TACC1: variants seen among roughly 807,000 people sequenced by gnomAD.
The protein encoded by TACC1 is transforming acidic coiled-coil-containing protein 1.
In TACC1, 48 loss-of-function variants were observed where a neutral mutation model predicts 84.4. The ratio of observed to expected loss-of-function variants is 0.57; its 90% CI spans 0.45 to 0.72. The LOEUF is 0.72. Ranked by LOEUF, TACC1 falls within the 30% of genes least tolerant of loss-of-function variation. TACC1 has a pLI of 0.00. For missense variants in TACC1, 920 were observed against 973.0 expected, an observed-to-expected ratio of 0.95 and a Z score of 0.72; for synonymous variants, 372 against 376.3, an observed-to-expected ratio of 0.99 and a Z score of 0.13.
rs1563965789 is a variant in TACC1 at position 38,842,387 on chromosome 8, C to T, written c.2061C>T (p.Ser687=). The T allele has an allele frequency of 1.9e-6, 3 of 1,614,152 alleles. No individual in the cohort carries two copies. The highest frequency in any genetic ancestry group is 2.2e-5 in the East Asian group (1 of 44,880). The change falls in exon 10 of 13, where the codon TCC becomes TCT. Residue 687 remains serine, a synonymous_variant. Coordinates refer to ENST00000317827, the MANE Select transcript of TACC1 (RefSeq NM_006283.3). ...ALADLNSVER[S]LSDLFRRYEN... ...CTGACCTTAACTCTGTGGAAAGGTC[C>T]CTTTCTGATCTCTTCAGGAGATATG...
At chr8:38,823,037 G>C (rs1451107581) in intron 3 of TACC1, among the ~76,000 whole-genome samples, 1 of 152,202 alleles carries the variant, frequency 6.6e-6, no homozygotes, top group Non-Finnish European at 1.5e-5. Flanking sequence ...GTTTGTACTT[G>C]TCACTGTAGA....
At chr8:38,808,607 G>T (rs62506669) in intron 2 of TACC1, among the ~76,000 whole-genome samples, 29,882 of 152,168 alleles carry the variant, frequency 0.2, 3,506 homozygotes, top group Non-Finnish European at 0.27. Context: ...TAGAGATGGG[G>T]TTTCACCATG....
intron 3 of TACC1, among the ~76,000 whole-genome samples, chr8:38,750,302 A>G (rs1221105731): frequency 6.6e-6 from 1 of 152,238 alleles, no homozygotes; most frequent in Non-Finnish European, 1.5e-5. Context: ...AATTAAGAAT[A>G]AATTAAAACT....
intron 7 of TACC1, among the ~76,000 whole-genome samples, chr8:38,836,909 G>A (rs1830347282): frequency 6.6e-6 from 1 of 152,104 alleles, no homozygotes; most frequent in African/African-American, 2.4e-5. Context: ...AAAGGAAGGT[G>A]TGGCAATTTT....
intron 2 of TACC1, among the ~76,000 whole-genome samples, chr8:38,814,450 A>C (rs1313515420): frequency 4.6e-5 from 7 of 152,246 alleles, no homozygotes; most frequent in African/African-American, 1.2e-4. Context: ...ATACACAAAT[A>C]CTTAGCATTG....
intron 2 of TACC1, among the ~76,000 whole-genome samples, chr8:38,808,356 A>G (rs537244117): frequency 6.6e-6 from 1 of 152,382 alleles, no homozygotes; most frequent in African/African-American, 2.4e-5. Context: ...GGATCTGGGT[A>G]TGTAACTTCT....
chr8:38,757,208 C>CGGG, intron 3 of TACC1: 4 of 263,026 alleles, frequency 1.5e-5, no homozygotes, highest in Non-Finnish European at 3.0e-5. Flanking sequence ...TACGGCCGGG[C>CGGG]GCCCCACCCC....
At chr8:38,756,901 G>T (rs1032697696) in intron 3 of TACC1, among the ~76,000 whole-genome samples, 4 of 152,316 alleles carry the variant, frequency 2.6e-5, no homozygotes, top group East Asian at 1.9e-4. Flanking sequence ...AGCTCCCGGG[G>T]CCTCTTCCCG....
At chr8:38,840,405 T>C in intron 9 of TACC1, 138 bp downstream of exon 9, 1 of 715,872 alleles carries the variant, frequency 1.4e-6, no homozygotes, top group Non-Finnish European at 2.3e-6. Context: ...ACAGGAGAGT[T>C]CAAGGTGCCC....
At chr8:38,807,799 GAAT>G (rs1823114607) in intron 2 of TACC1, among the ~76,000 whole-genome samples, 1 of 152,182 alleles carries the variant, frequency 6.6e-6, no homozygotes. Context: ...GTACAAACTA[GAAT>G]ATTAAGCTGT....
At chr8:38,783,961 G>T (rs868840478), upstream of TACC1, among the ~76,000 whole-genome samples, 1 of 152,226 alleles carries the variant, frequency 6.6e-6, no homozygotes. Context: ...GCGGTCAGAT[G>T]CTGTTATTGG....
At chr8:38,798,771 G>GCCC (rs1328003722) in intron 2 of TACC1, among the ~76,000 whole-genome samples, 1 of 152,044 alleles carries the variant, frequency 6.6e-6, no homozygotes, top group African/African-American at 2.4e-5. Flanking sequence ...GGGATCCTGG[G>GCCC]CCCCAGCAGT....
rs1826427032 is a variant in TACC1 at position 38,820,249 on chromosome 8, A to G, written c.1005A>G (p.Lys335=). 1 of 1,614,050 alleles carries G rather than the reference A, an allele frequency of 6.2e-7. No individual in the cohort carries two copies. The highest frequency in any genetic ancestry group is 8.5e-7 in the Non-Finnish European group (1 of 1,180,022). ...TEDTGNIEAR[K]ALPRKLGRKL... ...ATACAGGAAACATAGAGGCCAGGAAAGCCCTTCCAAGGAAGCTTGGCAGGA... is the reference window on the plus strand; with the variant it reads ...ATACAGGAAACATAGAGGCCAGGAAGGCCCTTCCAAGGAAGCTTGGCAGGA... The change falls in exon 3 of 13, where the codon AAA becomes AAG. Residue 335 remains lysine (K), a synonymous_variant. Coordinates refer to ENST00000317827, the MANE Select transcript of TACC1 (RefSeq NM_006283.3).
At chr8:38,730,354 C>T (rs142239282) in intron 1 of TACC1, among the ~76,000 whole-genome samples, 12 of 152,244 alleles carry the variant, frequency 7.9e-5, no homozygotes, top group Non-Finnish European at 1.5e-4. Context: ...CATTACAACT[C>T]GGCCTCTCTC....
intron 2 of TACC1, among the ~76,000 whole-genome samples, chr8:38,817,493 T>A (rs1366416210): frequency 2.0e-5 from 3 of 152,204 alleles, no homozygotes; most frequent in Non-Finnish European, 4.4e-5. Flanking sequence ...GAGAAAATAG[T>A]ACAATGAAAA....
Position 38,787,678 on chromosome 8 carries a change from T to A in TACC1, c.96T>A (p.Ala32=). The A allele has an allele frequency of 6.5e-7, 1 of 1,547,128 alleles. No homozygotes were observed. Among genetic ancestry groups the A allele is most frequent in the Non-Finnish European group, 8.7e-7 (1 of 1,150,560 alleles). Residue 32 remains alanine, a synonymous_variant, in exon 1 of 13, where the codon GCT becomes GCA. Transcript: ENST00000317827. The part of the protein sequence containing the change: ...VRGGAAGEDE[A]GGPEGDPEEE... Reference sequence around the variant, plus strand: ...GCGGGGCCGCCGGCGAGGACGAGGCTGGCGGGCCCGAGGGCGACCCCGAGG... The same window carrying A: ...GCGGGGCCGCCGGCGAGGACGAGGCAGGCGGGCCCGAGGGCGACCCCGAGG...
chr8:38,746,068 T>C (rs1211751136), intron 3 of TACC1, among the ~76,000 whole-genome samples: 1 of 152,170 alleles, frequency 6.6e-6, no homozygotes, highest in Non-Finnish European at 1.5e-5. Flanking sequence ...CCTTCCACCT[T>C]GGCCTCCCAA....
At chr8:38,729,455 T>G (rs1218490502) in intron 1 of TACC1, among the ~76,000 whole-genome samples, 1 of 152,238 alleles carries the variant, frequency 6.6e-6, no homozygotes. Context: ...TGGCAATACA[T>G]GTGCTGACAC....
intron 3 of TACC1, among the ~76,000 whole-genome samples, chr8:38,773,621 T>TCTATCTAGCTAGCTATCTATCTAG (rs754006056): frequency 2.8e-5 from 4 of 145,246 alleles, no homozygotes; most frequent in African/African-American, 1.1e-4. Context: ...TATCTAGCTA[T>TCTATCTAGCTAGCTATCTATCTAG]CTATCTGTTG....
Sources: allele counts gnomAD v4.1 joint callset (sites outside exome capture counted in the v4.1 genomes callset), GRCh38; gene constraint gnomAD v4.1.1; transcripts MANE v1.5; gene names NCBI Gene and HGNC (gene_info 2026-07-23, HGNC 2026-07-21).